RYR2: variants seen among roughly 807,000 people sequenced by gnomAD.
RYR2 encodes the protein cardiac muscle ryanodine receptor-calcium release channel.
Under a neutral mutation model 601.1 loss-of-function variants are expected in RYR2, and 227 were observed. That is an observed-to-expected ratio of 0.38 (90% CI 0.34 to 0.42). The LOEUF (loss-of-function observed/expected upper bound fraction) is 0.42. Ranked by LOEUF, RYR2 falls within the 10% of genes least tolerant of loss-of-function variation. RYR2 has a pLI of 1.00. For missense variants in RYR2, 4,646 were observed against 6,156.5 expected (o/e 0.75, Z 8.21); for synonymous variants, 2,223 against 2,175.1 (o/e 1.02, Z -0.61).
intron 10 of RYR2, among the ~76,000 whole-genome samples, chr1:237,388,529 A>G (rs1702123906): frequency 6.6e-6 from 1 of 152,200 alleles, no homozygotes; most frequent in Non-Finnish European, 1.5e-5. Context: ...TAGAATGTTT[A>G]ATCTCAAACT....
At chr1:237,140,431 G>A (rs186265919) in intron 1 of RYR2, among the ~76,000 whole-genome samples, 36 of 152,248 alleles carry the variant, frequency 2.4e-4, no homozygotes, top group East Asian at 2.3e-3. Flanking sequence ...CTAGTTCACC[G>A]CTCTGTGAAC....
chr1:237,235,005 CT>C (rs1685414976), intron 1 of RYR2, among the ~76,000 whole-genome samples: 1 of 152,110 alleles, frequency 6.6e-6, no homozygotes, highest in Non-Finnish European at 1.5e-5. Flanking sequence ...GTAACCCCCC[CT>C]GGGGTTCAGG....
In RYR2 at chr1:237,445,424, C is replaced by T. The variant is rs794728816; in HGVS notation, c.1194C>T (p.His398=). ...QRKAIMHHEG[H]MDDGISLSRS... ...AGGCTATTATGCATCATGAAGGCCA[C>T]ATGGATGATGGCATAAGTTTGTCGA... Residue 398 remains histidine (H), a synonymous_variant, in exon 14 of 105, where the codon CAC becomes CAT. Coordinates refer to ENST00000366574, the MANE Select transcript of RYR2 (RefSeq NM_001035.3). The T allele has an allele frequency of 5.0e-6, 8 of 1,613,634 alleles. No homozygotes were observed. The highest frequency in any genetic ancestry group is 6.8e-6 in the Non-Finnish European group (8 of 1,179,652).
rs915416561 is a variant in RYR2, at chr1:237,056,056, TACCTGTGAGGACTGGAGCACTGC to T, written c.48+13507_48+13529del. Among the ~76,000 whole-genome samples the T allele has an allele frequency of 5.4e-4, 73 of 135,562 alleles. 1 individual carries two copies. In the South Asian group the frequency reaches 0.017, roughly 31 times the overall value. 88.9% of individuals were successfully genotyped at this position (135,562 alleles called of 152,430 possible). On this transcript the variant is annotated intron_variant, in intron 1 of 104. Transcript: ENST00000366574. Reference sequence around the variant, plus strand: ...CTGCACCTGTGAGGACTAAAGACTGTACCTGTGAGGACTGGAGCACTGCACCTGTGAGGACTGGAGCATTGCAT... The same window carrying T: ...CTGCACCTGTGAGGACTAAAGACTGTACCTGTGAGGACTGGAGCATTGCAT...
At chr1:237,553,045 C>T (rs983359594) in intron 27 of RYR2, among the ~76,000 whole-genome samples, 1 of 151,908 alleles carries the variant, frequency 6.6e-6, no homozygotes, top group Admixed American at 6.6e-5. Flanking sequence ...GTTGCTTTTT[C>T]ACTTTCTTAA....
intron 1 of RYR2, among the ~76,000 whole-genome samples, chr1:237,158,831 G>C (rs181388058): frequency 6.6e-6 from 1 of 152,222 alleles, no homozygotes; most frequent in African/African-American, 2.4e-5. Flanking sequence ...ATGGGCCTAA[G>C]ACTGAGGCCC....
intron 1 of RYR2, among the ~76,000 whole-genome samples, chr1:237,256,194 C>T (rs568034451): frequency 9.9e-5 from 15 of 152,176 alleles, no homozygotes; most frequent in Non-Finnish European, 1.6e-4. Flanking sequence ...AAACCCATGT[C>T]GCTTGTCTCA....
At chr1:237,495,748 A>G (rs1664004126) in intron 19 of RYR2, among the ~76,000 whole-genome samples, 1 of 152,192 alleles carries the variant, frequency 6.6e-6, no homozygotes, top group African/African-American at 2.4e-5. Context: ...TCCTTCATAA[A>G]CAACATGACC....
intron 62 of RYR2, among the ~76,000 whole-genome samples, chr1:237,685,336 G>A (rs1333523299): frequency 3.3e-5 from 5 of 152,172 alleles, no homozygotes; most frequent in Admixed American, 3.3e-4. Flanking sequence ...TTCTGTATCT[G>A]TATTTCTCTC....
At chr1:237,799,974 C>T (rs1252836137) in intron 97 of RYR2, 1 of 150,970 alleles carries the variant, frequency 6.6e-6, no homozygotes, top group African/African-American at 2.5e-5. Flanking sequence ...CCCCGCCCCC[C>T]AACCAGGAAG....
chr1:237,583,768 C>T (rs142948775), intron 29 of RYR2, among the ~76,000 whole-genome samples: 12 of 152,208 alleles, frequency 7.9e-5, no homozygotes, highest in Non-Finnish European at 1.6e-4. Context: ...ATTGTAGCCC[C>T]AAACAGAGAT....
Position 237,678,057 on chromosome 1 carries a change from G to C in RYR2, c.8840G>C (p.Ser2947Thr). 1.2e-6 allele frequency: 2 copies of C among 1,600,076 alleles called. No individual in the cohort carries two copies. The highest frequency in any genetic ancestry group is 1.7e-6 in the Non-Finnish European group (2 of 1,168,566). ...CTCTTCAAATCTACAGATGGTGGCAGCAGAGGCAAAGGAGAACATTTCCCT... is the reference window on the plus strand; with the variant it reads ...CTCTTCAAATCTACAGATGGTGGCACCAGAGGCAAAGGAGAACATTTCCCT... ...HQYILEFDGG[S>T]RGKGEHFPYE... Residue 2947 changes from serine to threonine, a missense_variant, in exon 61 of 105, where the codon AGC becomes ACC. Coordinates refer to ENST00000366574, the MANE Select transcript of RYR2 (RefSeq NM_001035.3).
intron 29 of RYR2, among the ~76,000 whole-genome samples, chr1:237,583,915 G>A (rs1674213571): frequency 6.6e-6 from 1 of 152,172 alleles, no homozygotes; most frequent in South Asian, 2.1e-4. Flanking sequence ...GAAGCCATCT[G>A]TCTTTTGTTG....
chr1:237,366,598 CA>C (rs1700212545), intron 5 of RYR2, among the ~76,000 whole-genome samples: 2 of 148,808 alleles, frequency 1.3e-5, no homozygotes, highest in Non-Finnish European at 3.0e-5. Flanking sequence ...AACACAGAGC[CA>C]AAAAACAAAA....
intron 2 of RYR2, among the ~76,000 whole-genome samples, chr1:237,300,628 A>T (rs1693255101): frequency 6.6e-6 from 1 of 152,188 alleles, no homozygotes; most frequent in Non-Finnish European, 1.5e-5. Flanking sequence ...AGACAAAATT[A>T]GATCTTCAGT....
chr1:237,582,365 C>T (rs1233639085), intron 29 of RYR2, among the ~76,000 whole-genome samples: 2 of 151,536 alleles, frequency 1.3e-5, no homozygotes, highest in African/African-American at 4.9e-5. Flanking sequence ...CCACCTTGGC[C>T]TCCCAAAATG....
At chr1:237,549,436 A>G (rs1670151271) in intron 26 of RYR2, among the ~76,000 whole-genome samples, 2 of 151,864 alleles carry the variant, frequency 1.3e-5, no homozygotes, top group South Asian at 2.1e-4. Context: ...TTAGCTGGGC[A>G]TGGGGCACAT....
chr1:237,638,866 G>T, intron 45 of RYR2, 149 bp from the exon 46 acceptor site: 3 of 961,940 alleles, frequency 3.1e-6, no homozygotes, highest in South Asian at 1.7e-5. Flanking sequence ...TATACTTAAT[G>T]CTAGCAATTA....
Position 237,639,171 on chromosome 1 carries a change from C to G in RYR2, c.7085C>G (p.Pro2362Arg). 6.2e-7 allele frequency: 1 copy of G among 1,613,574 alleles called. No homozygotes were observed. ...GCCGAGGATCCTTCCCGAGATGGTC[C>G]CTCACCAAATAGCGGATCCAGTAAA... ...KIAEDPSRDGPSPNSGSSKTL... is the reference protein window; with the variant it reads ...KIAEDPSRDGRSPNSGSSKTL... Residue 2362 changes from proline to arginine, a missense_variant, in exon 46 of 105, where the codon CCC becomes CGC. Physicochemically the swap from Pro to Arg is moderately radical, Grantham distance 103. Around this residue, in one of 17 missense-constraint regions of RYR2, gnomAD observed 1,497 missense variants for 1,842.6 expected, o/e 0.81. Transcript: ENST00000366574.
Sources: allele counts gnomAD v4.1 joint callset (sites outside exome capture counted in the v4.1 genomes callset), GRCh38; gene constraint gnomAD v4.1.1; regional missense constraint gnomAD v4.1.1; transcripts MANE v1.5; gene names NCBI Gene and HGNC (gene_info 2026-07-23, HGNC 2026-07-21).